The following FAM168B variants were observed in gnomAD, a reference collection of about 807,000 sequenced individuals.
The protein encoded by FAM168B is myelin-associated neurite-outgrowth inhibitor.
Under a neutral mutation model 21.8 loss-of-function variants are expected in FAM168B, and 19 were observed. The observed-to-expected ratio is 0.87, with a 90% CI of 0.61 to 1.28. The LOEUF is 1.28. Among genes scored for constraint, FAM168B ranks in the 50% most tolerant of loss-of-function variants. FAM168B has a pLI of 0.00. For missense variants in FAM168B, 233 were observed against 263.1 expected, an observed-to-expected ratio of 0.89 and a Z score of 0.79; for synonymous variants, 126 against 104.8, an observed-to-expected ratio of 1.20 and a Z score of -1.24.
At chr2:131,090,336 A>AG (rs1160140660) in intron 1 of FAM168B, among the ~76,000 whole-genome samples, 10 of 151,218 alleles carry the variant, frequency 6.6e-5, no homozygotes, top group East Asian at 1.9e-4. Context: ...AAAAAAAAAA[A>AG]AAAGAAAGAA....
At chr2:131,088,194 T>C (rs1693811847) in intron 1 of FAM168B, among the ~76,000 whole-genome samples, 1 of 151,904 alleles carries the variant, frequency 6.6e-6, no homozygotes, top group African/African-American at 2.4e-5. Flanking sequence ...TGCAGTGAGC[T>C]GAAATCGCAC....
intron 3 of FAM168B, among the ~76,000 whole-genome samples, 174 bp from the exon 4 acceptor site, chr2:131,055,869 A>G (rs10167343): frequency 0.99 from 151,465 of 152,322 alleles, 75,310 homozygotes; most frequent in Middle Eastern, 1. Flanking sequence ...TACTTTGTGT[A>G]CGTGTGTGCA....
chr2:131,067,621 A>G (rs1030677286), intron 3 of FAM168B, among the ~76,000 whole-genome samples: 13 of 152,098 alleles, frequency 8.5e-5, no homozygotes, highest in African/African-American at 3.1e-4. Context: ...CTTGTGCCTA[A>G]GGTTCCAGGT....
At chr2:131,071,559 G>A (rs1397262712) in intron 3 of FAM168B, among the ~76,000 whole-genome samples, 1 of 152,152 alleles carries the variant, frequency 6.6e-6, no homozygotes, top group Non-Finnish European at 1.5e-5. Context: ...CTGTTGGCAT[G>A]GCAAGAAATT....
rs1260298196 is a variant in FAM168B at position 131,093,436 on chromosome 2, C to T, written c.-234G>A. Reference sequence around the variant, plus strand: ...CCGCAGCCCGCGCTCCCCGCCGACGCTGCGCAGCCACCGGAGCCGCCGACC... The same window carrying T: ...CCGCAGCCCGCGCTCCCCGCCGACGTTGCGCAGCCACCGGAGCCGCCGACC... On this transcript the variant is annotated 5_prime_UTR_variant, in exon 1 of 7. Transcript: ENST00000389915. 1 of 151,276 alleles carries T rather than the reference C, an allele frequency of 6.6e-6. No individual in the cohort carries two copies. The highest frequency in any genetic ancestry group is 6.6e-5 in the Admixed American group (1 of 15,174). 9.4% of individuals were successfully genotyped at this position (151,276 alleles called of 1,614,324 possible).
At chr2:131,056,636 G>A (rs1331581581) in intron 3 of FAM168B, among the ~76,000 whole-genome samples, 1 of 152,206 alleles carries the variant, frequency 6.6e-6, no homozygotes, top group African/African-American at 2.4e-5. Context: ...TATGTTCACA[G>A]CAGCTATATT....
chr2:131,081,374 C>A (rs919505369), intron 2 of FAM168B, among the ~76,000 whole-genome samples: 4 of 152,196 alleles, frequency 2.6e-5, no homozygotes, highest in African/African-American at 9.7e-5. Flanking sequence ...GGGTTGTGAA[C>A]ATATGCCCCC....
At chr2:131,092,200 T>C (rs559153135) in intron 1 of FAM168B, among the ~76,000 whole-genome samples, 25 of 150,618 alleles carry the variant, frequency 1.7e-4, no homozygotes, top group African/African-American at 6.1e-4. Context: ...CTAAGACAAC[T>C]TGGGTATAAT....
chr2:131,087,240 G>A (rs534867242), intron 1 of FAM168B, among the ~76,000 whole-genome samples: 1 of 152,158 alleles, frequency 6.6e-6, no homozygotes, highest in East Asian at 1.9e-4. Context: ...AGGCCAAGGT[G>A]GGAGGATCAC....
intron 2 of FAM168B, among the ~76,000 whole-genome samples, chr2:131,076,864 AC>A (rs1205786048): frequency 1.3e-5 from 2 of 151,904 alleles, no homozygotes; most frequent in Non-Finnish European, 2.9e-5. Context: ...AGACACAGAT[AC>A]ACAGAATTGC....
At chr2:131,053,545 A>G (rs942436245) in intron 5 of FAM168B, among the ~76,000 whole-genome samples, 7 of 152,196 alleles carry the variant, frequency 4.6e-5, no homozygotes, top group African/African-American at 1.4e-4. Context: ...TTTCACAACA[A>G]TGTGAATATA....
intron 3 of FAM168B, among the ~76,000 whole-genome samples, chr2:131,070,022 C>T (rs993644594): frequency 4.6e-5 from 7 of 150,920 alleles, no homozygotes. Flanking sequence ...CCAAGCCCAG[C>T]TAATTTTTGT....
Position 131,057,366 on chromosome 2 carries a change from C to T in FAM168B, c.155-1671G>A, listed in dbSNP as rs1316899640. On this transcript the variant is annotated intron_variant, in intron 3 of 6. Coordinates refer to ENST00000389915, the MANE Select transcript of FAM168B (RefSeq NM_001009993.4). ...TCAAAAGGAAAAAACATGGATGAAT[C>T]TCACAACATGCTGAGCTTTCCAAAG... is the stretch of plus-strand genomic sequence containing the variant. 5.6e-4 allele frequency among the ~76,000 whole-genome samples: 86 copies of T among 152,306 alleles called. 1 individual carries two copies.
intron 3 of FAM168B, among the ~76,000 whole-genome samples, chr2:131,069,476 T>C (rs945410198): frequency 1.3e-5 from 2 of 152,136 alleles, no homozygotes; most frequent in Non-Finnish European, 2.9e-5. Flanking sequence ...TGAAGTTAGG[T>C]TACACAGGTT....
At chr2:131,083,118 G>A (rs1225045942) in intron 1 of FAM168B, among the ~76,000 whole-genome samples, 1 of 152,114 alleles carries the variant, frequency 6.6e-6, no homozygotes, top group Non-Finnish European at 1.5e-5. Context: ...CACTTCGGGA[G>A]GCTGAGGTGG....
intron 3 of FAM168B, among the ~76,000 whole-genome samples, chr2:131,057,361 T>C (rs1282769741): frequency 6.6e-6 from 1 of 152,160 alleles, no homozygotes; most frequent in Non-Finnish European, 1.5e-5. Context: ...AAAACATGGA[T>C]GAATCTCACA....
intron 2 of FAM168B, among the ~76,000 whole-genome samples, chr2:131,075,368 T>TCCC (rs2105539138): frequency 6.6e-6 from 1 of 152,070 alleles, no homozygotes; most frequent in Admixed American, 6.5e-5. Flanking sequence ...TCCTCATCTC[T>TCCC]CCCTAAAACT....
At chr2:131,052,684 G>C (rs1691756714) in intron 6 of FAM168B, among the ~76,000 whole-genome samples, 1 of 152,196 alleles carries the variant, frequency 6.6e-6, no homozygotes, top group South Asian at 2.1e-4. Context: ...AAGATGGACA[G>C]TGTCAACAGT....
chr2:131,093,065 T>C (rs1483057837), intron 1 of FAM168B, 149 bp downstream of exon 1: 1 of 151,206 alleles, frequency 6.6e-6, no homozygotes, highest in East Asian at 1.9e-4. Context: ...CGCCCGGCCT[T>C]GCCCGCGGCA....
Sources: gnomAD v4.1 joint callset for allele counts (sites outside exome capture counted in the v4.1 genomes callset) on GRCh38, gnomAD v4.1.1 for gene constraint, MANE v1.5 for transcripts, NCBI Gene and HGNC (gene_info 2026-07-23, HGNC 2026-07-21) for gene names.